Variants in ARMH3 observed in about 807,000 individuals in gnomAD.
ARMH3 encodes the protein armadillo-like helical domain-containing protein 3.
In ARMH3, 60 loss-of-function variants were observed where a neutral mutation model predicts 99.1. The ratio of observed to expected loss-of-function variants is 0.61; its 90% CI spans 0.49 to 0.75. The LOEUF (loss-of-function observed/expected upper bound fraction) is 0.75, where lower values mean the gene tolerates loss of function less well. ARMH3 is among the 30% of genes least tolerant of loss of function. The pLI is 0.00. For missense variants in ARMH3, 679 were observed against 843.1 expected (o/e 0.81, Z 2.41); for synonymous variants, 285 against 292.8 (o/e 0.97, Z 0.27).
chr10:101,965,968 A>G (rs934936563), intron 20 of ARMH3, among the ~76,000 whole-genome samples: 1 of 152,216 alleles, frequency 6.6e-6, no homozygotes, highest in African/African-American at 2.4e-5. Context: ...CTGTATGCAC[A>G]TGCAGATAGA....
At chr10:101,883,969 G>A (rs1037311536) in intron 24 of ARMH3, among the ~76,000 whole-genome samples, 2 of 151,148 alleles carry the variant, frequency 1.3e-5, no homozygotes, top group Non-Finnish European at 2.9e-5. Flanking sequence ...CTCCATTCTG[G>A]GCAACAGAGG....
chr10:101,935,493 T>TAA (rs1228011660), intron 23 of ARMH3, among the ~76,000 whole-genome samples: 2 of 152,174 alleles, frequency 1.3e-5, no homozygotes, highest in African/African-American at 4.8e-5. Flanking sequence ...CAATCTAAAC[T>TAA]AAGTATTCTT....
chr10:101,952,713 C>A (rs1844847843), intron 22 of ARMH3: 1 of 152,144 alleles, frequency 6.6e-6, no homozygotes, highest in South Asian at 2.1e-4. Flanking sequence ...CCCCTCTTAA[C>A]CATTTTTAAG....
At chr10:101,897,471 AC>A (rs2067865676) in intron 23 of ARMH3, among the ~76,000 whole-genome samples, 1 of 152,238 alleles carries the variant, frequency 6.6e-6, no homozygotes, top group Non-Finnish European at 1.5e-5. Flanking sequence ...GCAAAAGTTG[AC>A]ACTGATGACA....
At chr10:102,019,693 C>T (rs1216480071) in intron 8 of ARMH3, among the ~76,000 whole-genome samples, 1 of 151,668 alleles carries the variant, frequency 6.6e-6, no homozygotes. Flanking sequence ...TTTGGGAGGC[C>T]GAGGCGGGCG....
At chr10:101,918,062 T>A (rs1437964088) in intron 23 of ARMH3, among the ~76,000 whole-genome samples, 1 of 152,150 alleles carries the variant, frequency 6.6e-6, no homozygotes, top group African/African-American at 2.4e-5. Flanking sequence ...GTTTGTTTGT[T>A]TTTTTAGACA....
intron 22 of ARMH3, among the ~76,000 whole-genome samples, chr10:101,940,240 C>T (rs747169999): frequency 2.0e-5 from 3 of 152,184 alleles, no homozygotes; most frequent in African/African-American, 4.8e-5. Flanking sequence ...TTTTTGCATG[C>T]ATTTACAATC....
At chr10:101,935,763 C>T (rs561065156) in intron 23 of ARMH3, among the ~76,000 whole-genome samples, 2 of 152,202 alleles carry the variant, frequency 1.3e-5, no homozygotes, top group African/African-American at 4.8e-5. Context: ...CTTAAAAATC[C>T]TTTTCAGGTG....
At chr10:101,925,529 T>G (rs1843475075) in intron 23 of ARMH3, among the ~76,000 whole-genome samples, 1 of 152,204 alleles carries the variant, frequency 6.6e-6, no homozygotes, top group African/African-American at 2.4e-5. Flanking sequence ...GGTAAATTTT[T>G]TAGTGTTGTA....
At chr10:101,995,251 C>T in intron 16 of ARMH3, 46 bp downstream of exon 16, 1 of 1,524,082 alleles carries the variant, frequency 6.6e-7, no homozygotes, top group Non-Finnish European at 9.1e-7. Context: ...GGAAAGATAG[C>T]ACTTTGTAAA....
At chr10:102,054,294 C>G (rs1166552151) in intron 1 of ARMH3, among the ~76,000 whole-genome samples, 1 of 150,524 alleles carries the variant, frequency 6.6e-6, no homozygotes, top group African/African-American at 2.5e-5. Context: ...AAGGCTAAGG[C>G]AGAAGAATCG....
At chr10:101,925,771 A>G (rs1352772880) in intron 23 of ARMH3, among the ~76,000 whole-genome samples, 1 of 152,124 alleles carries the variant, frequency 6.6e-6, no homozygotes, top group Non-Finnish European at 1.5e-5. Context: ...TTAGCTGGGC[A>G]TGGTGGCAGG....
At chr10:101,876,466 T>C (rs973482800) in intron 24 of ARMH3, among the ~76,000 whole-genome samples, 18 of 152,150 alleles carry the variant, frequency 1.2e-4, no homozygotes, top group Non-Finnish European at 2.5e-4. Context: ...CCAGACCTCA[T>C]TTATCTATCC....
At chr10:101,865,939 G>A (rs2066991441) in intron 24 of ARMH3, among the ~76,000 whole-genome samples, 1 of 151,758 alleles carries the variant, frequency 6.6e-6, no homozygotes, top group Admixed American at 6.6e-5. Flanking sequence ...GCGATCTCTT[G>A]GCTGGGTGCG....
Position 101,957,736 on chromosome 10 carries a change from T to A in ARMH3, c.1496-4A>T, listed in dbSNP as rs542220026. 3.2e-4 allele frequency: 456 copies of A among 1,430,964 alleles called. No individual in the cohort carries two copies. Among genetic ancestry groups the A allele is most frequent in the Admixed American group, 8.9e-4 (36 of 40,576 alleles). 88.6% of individuals were successfully genotyped at this position (1,430,964 alleles called of 1,614,324 possible). A position where few individuals can be genotyped will look rare whatever the true frequency, so the allele number is the denominator to read the frequency against. The stretch of plus-strand genomic sequence containing the variant: ...AACTTCAGCAAATTTATCAAGGCTT[T>A]AAAAAAAAAAAAAAAGACATCAACA... On this transcript the variant is annotated splice_polypyrimidine_tract_variant and splice_region_variant and intron_variant, in intron 20 of 25. Transcript: ENST00000370033.
At chr10:101,985,526 C>CTGT (rs1174955314) in intron 19 of ARMH3, among the ~76,000 whole-genome samples, 3 of 151,722 alleles carry the variant, frequency 2.0e-5, no homozygotes, top group African/African-American at 7.3e-5. Flanking sequence ...ACAGCCTAGG[C>CTGT]AACACAGCAA....
intron 5 of ARMH3, 142 bp downstream of exon 5, chr10:102,029,496 A>T (rs935735675): frequency 2.6e-6 from 4 of 1,566,142 alleles, no homozygotes; most frequent in Non-Finnish European, 3.5e-6. Context: ...TCTGTGAAAT[A>T]AAAACATCTA....
chr10:102,010,116 C>A, intron 11 of ARMH3, 93 bp from the exon 12 acceptor site: 1 of 1,165,050 alleles, frequency 8.6e-7, no homozygotes, highest in South Asian at 1.3e-5. Context: ...AGAAAACAAG[C>A]TGCTTCCACC....
intron 23 of ARMH3, among the ~76,000 whole-genome samples, chr10:101,915,027 GA>G (rs766397439): frequency 5.3e-5 from 8 of 151,976 alleles, no homozygotes; most frequent in Non-Finnish European, 1.0e-4. Context: ...AAGAAAATAA[GA>G]AACCATTTGA....
Sources: allele counts gnomAD v4.1 joint callset (sites outside exome capture counted in the v4.1 genomes callset), GRCh38; gene constraint gnomAD v4.1.1; transcripts MANE v1.5; gene names NCBI Gene and HGNC (gene_info 2026-07-23, HGNC 2026-07-21).